AGRN: variants seen among roughly 807,000 people sequenced by gnomAD.
AGRN encodes the protein agrin, also known as agrin proteoglycan.
In AGRN, 106 loss-of-function variants were observed where a neutral mutation model predicts 211.0. The observed-to-expected ratio is 0.50, with a 90% CI of 0.43 to 0.59. The LOEUF is 0.59. Among genes scored for constraint, AGRN ranks in the 20% least tolerant of loss-of-function variants. AGRN has a pLI of 0.00. For synonymous variants in AGRN, 1,525 were observed against 1,332.5 expected (o/e 1.14, Z -3.15); for missense variants, 3,040 against 2,982.6 (o/e 1.02, Z -0.45).
chr1:1,054,229 C>T (rs1244643054), intron 34 of AGRN, among the ~76,000 whole-genome samples: 2 of 152,204 alleles, frequency 1.3e-5, no homozygotes, highest in African/African-American at 2.4e-5. Flanking sequence ...GCCTGGCCGT[C>T]GCCTCCAGCA....
In AGRN at chr1:1,051,051, CG is replaced by C. The variant is rs1645270943; in HGVS notation, c.5254-200del. 6 of 1,548,802 alleles carry C rather than the reference CG, an allele frequency of 3.9e-6. No individual in the cohort carries two copies. The African/African-American group carries it at 8.2e-5, about 21-fold the overall frequency. ...GGCCAGAAATCCCGCAAGGTACTGT[CG>C]GCCTCTCATCCGCTCACCGTCTCTG... On this transcript the variant is annotated intron_variant, in intron 30 of 35. Coordinates refer to ENST00000379370, the MANE Select transcript of AGRN (RefSeq NM_198576.4).
intron 12 of AGRN, among the ~76,000 whole-genome samples, chr1:1,044,888 G>A (rs1298728684): frequency 6.6e-6 from 1 of 152,182 alleles, no homozygotes; most frequent in Non-Finnish European, 1.5e-5. Context: ...GATTTGCAAG[G>A]AAGCTCGCGT....
intron 2 of AGRN, among the ~76,000 whole-genome samples, chr1:1,025,173 G>A (rs931748109): frequency 1.2e-4 from 19 of 152,252 alleles, no homozygotes; most frequent in East Asian, 5.8e-4. Flanking sequence ...GCCCCTGCCG[G>A]GGCCTGGCAC....
Position 1,046,277 on chromosome 1 carries a change from C to T in AGRN, c.2911+12C>T, listed in dbSNP as rs182336374. ...GGGCCCGTGCCAGGGTGAGGCCTGA[C>T]GGCCACTGCCCCAGAACTGACCAGG... On this transcript the variant is annotated intron_variant, in intron 17 of 35. Transcript: ENST00000379370. The T allele has an allele frequency of 1.8e-4, 298 of 1,613,160 alleles. No individual in the cohort carries two copies. Among genetic ancestry groups the T allele is most frequent in the Non-Finnish European group, 2.4e-4 (285 of 1,179,934 alleles).
At chr1:1,035,168 G>T (rs1644771208) in intron 2 of AGRN, 109 bp from the exon 3 acceptor site, 3 of 1,057,222 alleles carry the variant, frequency 2.8e-6, no homozygotes, top group Admixed American at 1.9e-5. Flanking sequence ...GGGGCTAGCG[G>T]TGGGGGGGGG....
intron 33 of AGRN, 132 bp downstream of exon 33, chr1:1,051,947 C>T: frequency 2.6e-6 from 4 of 1,548,472 alleles, no homozygotes; most frequent in Non-Finnish European, 3.5e-6. Flanking sequence ...CTCTCTCTCA[C>T]CTCCCGGTCC....
chr1:1,038,047 C>T (rs1557696995), intron 3 of AGRN, among the ~76,000 whole-genome samples: 1 of 152,194 alleles, frequency 6.6e-6, no homozygotes, highest in Admixed American at 6.5e-5. Context: ...GCCGTGATTC[C>T]TGAGCTCACT....
Position 1,053,216 on chromosome 1 carries a change from T to C in AGRN, c.5652-537T>C, listed in dbSNP as rs74045091. On this transcript the variant is annotated intron_variant, in intron 33 of 35. Coordinates refer to ENST00000379370, the MANE Select transcript of AGRN (RefSeq NM_198576.4). ...GGGTGTCTGCACGTGGGTGTCTGCA[T>C]GTGGGTGTCTGTGCCCTCAAGTGTC... 3.1e-3 allele frequency: 944 copies of C among 307,688 alleles called. 11 individuals are homozygous for C. Among genetic ancestry groups the C allele is most frequent in the African/African-American group, 0.024 (794 of 32,686 alleles). The allele number at this position is 307,688 out of a possible 1,614,324, so 19.1% of individuals were successfully genotyped here.
chr1:1,044,474 C>CGG, intron 12 of AGRN, 35 bp downstream of exon 12: 1 of 1,573,696 alleles, frequency 6.4e-7, no homozygotes, highest in South Asian at 1.1e-5. Flanking sequence ...CAGGCACAGG[C>CGG]GGGGCGGCGT....
At chr1:1,049,215 A>G in intron 24 of AGRN, 21 bp from the exon 25 acceptor site, 4 of 1,550,040 alleles carry the variant, frequency 2.6e-6, no homozygotes, top group South Asian at 2.4e-5. Context: ...GATGGTCCTG[A>G]GCACCTGCTC....
intron 33 of AGRN, chr1:1,052,330 A>G (rs1011087576): frequency 3.2e-5 from 11 of 347,976 alleles, no homozygotes; most frequent in African/African-American, 8.6e-5. Context: ...GTGCGTGTCT[A>G]TGTATATGGA....
chr1:1,040,250 G>A (rs1429889002), intron 3 of AGRN, among the ~76,000 whole-genome samples: 1 of 152,222 alleles, frequency 6.6e-6, no homozygotes, highest in Non-Finnish European at 1.5e-5. Context: ...TGTGGAAGGA[G>A]CTCCTGAGCA....
intron 2 of AGRN, among the ~76,000 whole-genome samples, chr1:1,027,801 G>A (rs192239393): frequency 6.6e-6 from 1 of 152,180 alleles, no homozygotes; most frequent in East Asian, 1.9e-4. Context: ...GGGAGCGGGG[G>A]TCTGTCGCTG....
Position 1,032,433 on chromosome 1 carries a change from C to T in AGRN, c.464-2844C>T, listed in dbSNP as rs953934293. The stretch of plus-strand genomic sequence containing the variant: ...GGAGGAGCCTGACCAGGAGGTGAGA[C>T]AGGGCACCTGGAAGGAAGGAGGCGT... On this transcript the variant is annotated intron_variant, in intron 2 of 35. Transcript: ENST00000379370. This position sits in a 1 kb window ranked among gnomAD's most constrained non-coding sequence, Gnocchi z 4.7. Among the ~76,000 whole-genome samples, 4 of 152,100 alleles carry T rather than the reference C, an allele frequency of 2.6e-5. No homozygotes were observed. Among genetic ancestry groups the T allele is most frequent in the African/African-American group, 9.7e-5 (4 of 41,404 alleles).
chr1:1,041,139 G>A (rs1451522256), intron 4 of AGRN, 34 bp from the exon 5 acceptor site: 1 of 1,312,096 alleles, frequency 7.6e-7, no homozygotes, highest in African/African-American at 1.6e-5. Flanking sequence ...GGGGGCGGGG[G>A]CGGCCCGTCT....
rs375356057 is a variant in AGRN at position 1,053,924 on chromosome 1, G to A, written c.5823G>A (p.Leu1941=). 5 of 1,606,018 alleles carry A rather than the reference G, an allele frequency of 3.1e-6. No individual in the cohort carries two copies. In the African/African-American group the frequency reaches 4.0e-5, roughly 13 times the overall value. Residue 1941 remains leucine (L), a synonymous_variant, in exon 34 of 36, where the codon CTG becomes CTA. Transcript: ENST00000379370. Reference sequence around the variant, plus strand: ...ACCTGGGCTCCCAGCCCGTGGTGCTGCGTTCCACCGTGCCCGTCAACACCA... The same window carrying A: ...ACCTGGGCTCCCAGCCCGTGGTGCTACGTTCCACCGTGCCCGTCAACACCA... ...SYNLGSQPVV[L]RSTVPVNTNR...
In AGRN at chr1:1,049,076, C is replaced by CGGGCGGGGGAGGG; in HGVS notation, c.4298+20_4298+21insCGGGGGAGGGGGG. The CGGGCGGGGGAGGG allele has an allele frequency of 1.9e-6, 2 of 1,054,264 alleles. No individual in the cohort carries two copies. 65.3% of individuals were successfully genotyped at this position (1,054,264 alleles called of 1,614,324 possible). A position where few individuals can be genotyped will look rare whatever the true frequency, so the allele number is the denominator to read the frequency against. On this transcript the variant is annotated intron_variant, in intron 24 of 35. Coordinates refer to ENST00000379370, the MANE Select transcript of AGRN (RefSeq NM_198576.4). ...GCAGCTCAGGTGGGCGGGGAGGGGA[C>CGGGCGGGGGAGGG]GGGGCCGGGGCAGCTCAGGTGGGCG...
At position 1,046,804 on chromosome 1, in the gene AGRN, G is replaced by T; in HGVS notation, c.3251-16G>T. On this transcript the variant is annotated splice_polypyrimidine_tract_variant and intron_variant, in intron 18 of 35. Coordinates refer to ENST00000379370, the MANE Select transcript of AGRN (RefSeq NM_198576.4). ...GAGGCTCCACCAGAGCCTGGGCTCA[G>T]AGCGCGTCTCCCCAGGGCTCGAGCC... 1 of 1,577,224 alleles carries T rather than the reference G, an allele frequency of 6.3e-7. No individual in the cohort carries two copies. Among genetic ancestry groups the T allele is most frequent in the Admixed American group, 1.8e-5 (1 of 54,292 alleles).
In AGRN at chr1:1,043,584, C is replaced by G. The variant is rs201719609; in HGVS notation, c.1650C>G (p.Thr550=). 43 of 1,605,100 alleles carry G rather than the reference C, an allele frequency of 2.7e-5. No homozygotes were observed. The East Asian group carries it at 8.9e-4, about 33-fold the overall frequency. The change falls in exon 9 of 36, where the codon ACC becomes ACG. Residue 550 remains threonine (T), a synonymous_variant. Coordinates refer to ENST00000379370, the MANE Select transcript of AGRN (RefSeq NM_198576.4). Reference sequence around the variant, plus strand: ...TTGGAGCCCTGTGCGAGGCCGAGACCGGGCGCTGCGTGTGCCCCTCTGAAT... The same window carrying G: ...TTGGAGCCCTGTGCGAGGCCGAGACGGGGCGCTGCGTGTGCCCCTCTGAAT... ...CRFGALCEAE[T]GRCVCPSECV...
Sources: gnomAD v4.1 joint callset for allele counts (sites outside exome capture counted in the v4.1 genomes callset) on GRCh38, gnomAD v4.1.1 for gene constraint, Gnocchi (gnomAD v3.1) non-coding constraint, MANE v1.5 for transcripts, NCBI Gene and HGNC (gene_info 2026-07-23, HGNC 2026-07-21) for gene names.